CD99: variants seen among roughly 807,000 people sequenced by gnomAD.
CD99 encodes the protein CD99 molecule (Xg blood group).
Under a neutral mutation model 28.4 loss-of-function variants are expected in CD99, and 19 were observed. The observed-to-expected ratio is 0.67, with a 90% CI of 0.47 to 0.98. CD99 has a LOEUF of 0.98. Among genes scored for constraint, CD99 ranks in the 50% least tolerant of loss-of-function variants. CD99 has a pLI of 0.00. For synonymous variants in CD99, 103 were observed against 92.1 expected, an observed-to-expected ratio of 1.12 and a Z score of -0.67; for missense variants, 283 against 248.8, an observed-to-expected ratio of 1.14 and a Z score of -0.92.
chrX:2,694,221 A>G (rs1346647568), intron 1 of CD99, among the ~76,000 whole-genome samples: 2 of 151,708 alleles, frequency 1.3e-5, no homozygotes, highest in Non-Finnish European at 2.9e-5. Context: ...CATCTCTTGA[A>G]CAATACCAGG....
chrX:2,691,825 C>T lies in CD99; in HGVS notation c.67+398C>T, dbSNP rs377003502. ...TGCGTCTTCAGGCCGCGCGCGGAGG[C>T]CGCCCTGGAGTTGCCTGTCACAGCC... is the stretch of plus-strand genomic sequence containing the variant. On this transcript the variant is annotated intron_variant, in intron 1 of 9. Coordinates refer to ENST00000381192, the MANE Select transcript of CD99 (RefSeq NM_002414.5). The T allele has an allele frequency of 1.8e-3, 1,361 of 776,944 alleles. 9 individuals are homozygous for T. The African/African-American group carries it at 0.021, about 12-fold the overall frequency. The allele number at this position is 776,944 out of a possible 1,614,324, so 48.1% of individuals were successfully genotyped here.
intron 1 of CD99, among the ~76,000 whole-genome samples, chrX:2,703,719 G>A (rs1273761444): frequency 1.3e-5 from 2 of 151,744 alleles, no homozygotes; most frequent in East Asian, 1.9e-4. Flanking sequence ...ACCGGCGGAG[G>A]GGTTATTTCA....
intron 3 of CD99, among the ~76,000 whole-genome samples, chrX:2,718,430 G>A (rs1389100501): frequency 2.7e-5 from 4 of 150,826 alleles, no homozygotes; most frequent in Admixed American, 6.6e-5. Context: ...GTGCAGTGGC[G>A]CAATCTCGGC....
chrX:2,691,722 G>A, intron 1 of CD99: 1 of 712,394 alleles, frequency 1.4e-6, no homozygotes, highest in African/African-American at 1.7e-5. Flanking sequence ...CCAATCTAGG[G>A]GACCTTCTTA....
intron 1 of CD99, among the ~76,000 whole-genome samples, chrX:2,699,125 T>C (rs1247796339): frequency 6.7e-6 from 1 of 149,426 alleles, no homozygotes; most frequent in African/African-American, 2.6e-5. Flanking sequence ...TTTCTTTTCT[T>C]TCCTCTTCTT....
rs142398629 is a variant in CD99, at chrX:2,733,961, G to A, written c.476-4239G>A. On this transcript the variant is annotated intron_variant, in intron 8 of 9. Coordinates refer to ENST00000381192, the MANE Select transcript of CD99 (RefSeq NM_002414.5). ...GTTCCTAGAAAAACAAAATTCATAC[G>A]TTGAGGAATCACCTAAACATCTCCT... is the stretch of plus-strand genomic sequence containing the variant. Among the ~76,000 whole-genome samples, 333 of 152,298 alleles carry A rather than the reference G, an allele frequency of 2.2e-3. 3 individuals are homozygous for A. The highest frequency in any genetic ancestry group is 6.2e-3 in the Admixed American group (95 of 15,298).
At chrX:2,706,082 G>A (rs1241698131) in intron 1 of CD99, among the ~76,000 whole-genome samples, 12 of 148,628 alleles carry the variant, frequency 8.1e-5, no homozygotes, top group Middle Eastern at 3.5e-3. Flanking sequence ...AAAAAGAGCC[G>A]GGCGCGGTGG....
chrX:2,727,508 G>A (rs1274430838), intron 8 of CD99, among the ~76,000 whole-genome samples: 1 of 151,992 alleles, frequency 6.6e-6, no homozygotes, highest in East Asian at 1.9e-4. Context: ...ACAGAGTTTC[G>A]CTCTGTTGCC....
chrX:2,694,561 T>G (rs1483569243), intron 1 of CD99, among the ~76,000 whole-genome samples: 1 of 152,148 alleles, frequency 6.6e-6, no homozygotes, highest in African/African-American at 2.4e-5. Flanking sequence ...GAGACCAGCC[T>G]GGCCAACATG....
rs147636918 is a variant in CD99, at chrX:2,698,624, A to G, written c.67+7197A>G. Among the ~76,000 whole-genome samples the G allele has an allele frequency of 8.6e-4, 130 of 151,152 alleles. 1 individual carries two copies. The highest frequency in any genetic ancestry group is 3.1e-3 in the African/African-American group (127 of 41,120). ...TGGGACTATGGGCACATGCCACCACACTCAATTAATTTTTACCTTTTTTGT... is the reference window on the plus strand; with the variant it reads ...TGGGACTATGGGCACATGCCACCACGCTCAATTAATTTTTACCTTTTTTGT... On this transcript the variant is annotated intron_variant, in intron 1 of 9. Coordinates refer to ENST00000381192, the MANE Select transcript of CD99 (RefSeq NM_002414.5).
intron 9 of CD99, among the ~76,000 whole-genome samples, chrX:2,740,548 C>T (rs2050149094): frequency 6.6e-6 from 1 of 151,832 alleles, no homozygotes; most frequent in Admixed American, 6.6e-5. Context: ...TTGCCTTCTG[C>T]TGTTTTCCTT....
chrX:2,711,234 A>G (rs999321209), intron 1 of CD99, among the ~76,000 whole-genome samples: 1 of 147,562 alleles, frequency 6.8e-6, no homozygotes, highest in African/African-American at 2.5e-5. Context: ...ATATATATAT[A>G]ATATATATAT....
At chrX:2,735,696 A>T (rs2124295385) in intron 8 of CD99, among the ~76,000 whole-genome samples, 1 of 152,294 alleles carries the variant, frequency 6.6e-6, no homozygotes, top group South Asian at 2.1e-4. Flanking sequence ...ACCCGTGTTG[A>T]CAACTTGTGA....
intron 4 of CD99, 30 bp downstream of exon 4, chrX:2,719,735 G>A (rs2048905786): frequency 6.3e-7 from 1 of 1,595,838 alleles, no homozygotes; most frequent in African/African-American, 1.3e-5. Context: ...CTCTTCTGCT[G>A]CTGATCTGCT....
rs759552988 is a variant in CD99, at chrX:2,691,389, T to C, written c.29T>C (p.Leu10Pro). ...GCCCGCGGGGCTGCGCTGGCGCTGC[T>C]GCTCTTCGGCCTGCTGGGTGTTCTG... MARGAALAL[L>P]LFGLLGVLVA... The change falls in exon 1 of 10, where the codon CTG becomes CCG. Residue 10 changes from leucine (L) to proline (P), a missense_variant. Leu to Pro is a moderately conservative substitution (Grantham distance 98). Coordinates refer to ENST00000381192, the MANE Select transcript of CD99 (RefSeq NM_002414.5). 9 of 1,582,470 alleles carry C rather than the reference T, an allele frequency of 5.7e-6. No homozygotes were observed. In the South Asian group the frequency reaches 9.0e-5, roughly 16 times the overall value.
chrX:2,716,264 G>A (rs1483006320), intron 2 of CD99, among the ~76,000 whole-genome samples: 3 of 152,214 alleles, frequency 2.0e-5, no homozygotes, highest in African/African-American at 7.2e-5. Flanking sequence ...TGATCTGCCC[G>A]CCTTGGCCTC....
At chrX:2,713,045 C>T (rs1381128398) in intron 1 of CD99, among the ~76,000 whole-genome samples, 2 of 151,774 alleles carry the variant, frequency 1.3e-5, no homozygotes, top group Non-Finnish European at 2.9e-5. Flanking sequence ...CCCACACATG[C>T]ACAAACACAC....
intron 1 of CD99, among the ~76,000 whole-genome samples, chrX:2,713,415 G>A (rs2048536748): frequency 6.6e-6 from 1 of 151,262 alleles, no homozygotes; most frequent in Admixed American, 6.6e-5. Flanking sequence ...ACATGCACCT[G>A]CCTATATGCA....
rs568160005 is a variant in CD99 at position 2,736,196 on chromosome X, T to C, written c.476-2004T>C. Reference sequence around the variant, plus strand: ...CAGCCTGGGCGACAGAGCAAGACTCTGTCTCAAAAAAAAAAAAAAAAGAAA... The same window carrying C: ...CAGCCTGGGCGACAGAGCAAGACTCCGTCTCAAAAAAAAAAAAAAAAGAAA... On this transcript the variant is annotated intron_variant, in intron 8 of 9. Coordinates refer to ENST00000381192, the MANE Select transcript of CD99 (RefSeq NM_002414.5). Among the ~76,000 whole-genome samples the C allele has an allele frequency of 4.8e-4, 69 of 143,258 alleles. No individual in the cohort carries two copies. In the South Asian group the frequency reaches 0.015, roughly 31 times the overall value. The allele number at this position is 143,258 out of a possible 152,430, so 94.0% of individuals were successfully genotyped here.
Sources: gnomAD v4.1 joint callset for allele counts (sites outside exome capture counted in the v4.1 genomes callset) on GRCh38, gnomAD v4.1.1 for gene constraint, MANE v1.5 for transcripts, NCBI Gene and HGNC (gene_info 2026-07-23, HGNC 2026-07-21) for gene names.